The following B3GAT2 variants were observed in gnomAD, a reference collection of about 807,000 sequenced individuals.
B3GAT2 encodes beta-1,3-glucuronyltransferase 2.
A neutral mutation model predicts 27.8 loss-of-function variants in B3GAT2; 26 were observed. The observed-to-expected ratio is 0.93, with a 90% CI of 0.68 to 1.30. B3GAT2 has a LOEUF of 1.30. Among genes scored for constraint, B3GAT2 ranks in the 50% most tolerant of loss-of-function variants. The pLI is 0.00. For synonymous variants in B3GAT2, 218 were observed against 195.1 expected (o/e 1.12, Z -0.98); for missense variants, 458 against 459.0 (o/e 1.00, Z 0.02).
intron 1 of B3GAT2, among the ~76,000 whole-genome samples, chr6:70,896,151 GACT>G (rs1772381376): frequency 6.6e-6 from 1 of 152,082 alleles, no homozygotes; most frequent in African/African-American, 2.4e-5. Flanking sequence ...GTACGCCTGT[GACT>G]ACATTTTCAC....
At chr6:70,922,293 T>C (rs1772882517) in intron 1 of B3GAT2, among the ~76,000 whole-genome samples, 1 of 152,204 alleles carries the variant, frequency 6.6e-6, no homozygotes, top group African/African-American at 2.4e-5. Flanking sequence ...TTGTATTTTA[T>C]AGAATAAGCA....
chr6:70,950,039 C>G lies in B3GAT2; in HGVS notation c.591+5800G>C, dbSNP rs373654906. On this transcript the variant is annotated intron_variant, in intron 1 of 3. Coordinates refer to ENST00000230053, the MANE Select transcript of B3GAT2 (RefSeq NM_080742.3). ...TGGACACAGGAAGGGGAACATCACA[C>G]TCTGGGGACTGTTGTGGGGTGGGGG... Among the ~76,000 whole-genome samples, 95 of 149,590 alleles carry G rather than the reference C, an allele frequency of 6.4e-4. No homozygotes were observed. The East Asian group carries it at 0.016, about 25-fold the overall frequency.
At chr6:70,915,752 G>A (rs113433799) in intron 1 of B3GAT2, among the ~76,000 whole-genome samples, 36 of 151,998 alleles carry the variant, frequency 2.4e-4, no homozygotes, top group Non-Finnish European at 3.5e-4. Flanking sequence ...GTTCTATTCC[G>A]TTGGTCTACA....
chr6:70,880,096 G>A (rs1582347890), intron 2 of B3GAT2, among the ~76,000 whole-genome samples: 2 of 146,160 alleles, frequency 1.4e-5, no homozygotes, highest in East Asian at 4.5e-4. Flanking sequence ...GTGGGGGTGG[G>A]GGTGGAGGTG....
chr6:70,910,255 T>C (rs1772669081), intron 1 of B3GAT2, among the ~76,000 whole-genome samples: 3 of 152,154 alleles, frequency 2.0e-5, no homozygotes. Context: ...TTGTGGGGGT[T>C]TGGTGTACAG....
At chr6:70,946,298 G>C (rs887954015) in intron 1 of B3GAT2, among the ~76,000 whole-genome samples, 1 of 152,062 alleles carries the variant, frequency 6.6e-6, no homozygotes, top group East Asian at 1.9e-4. Context: ...TGGGGATAAA[G>C]AGTCAAGACC....
At chr6:70,941,271 G>C (rs949249614) in intron 1 of B3GAT2, among the ~76,000 whole-genome samples, 10 of 152,208 alleles carry the variant, frequency 6.6e-5, no homozygotes, top group African/African-American at 2.2e-4. Flanking sequence ...CAATTATCTG[G>C]TATACCCTCA....
intron 1 of B3GAT2, among the ~76,000 whole-genome samples, chr6:70,922,239 G>A (rs1233359074): frequency 6.6e-6 from 1 of 152,046 alleles, no homozygotes; most frequent in Non-Finnish European, 1.5e-5. Context: ...ATATTTAAAA[G>A]GTAAAAGAAA....
chr6:70,889,890 T>C (rs1380776124), intron 2 of B3GAT2, among the ~76,000 whole-genome samples: 1 of 151,732 alleles, frequency 6.6e-6, no homozygotes, highest in East Asian at 1.9e-4. Flanking sequence ...CAAGTGATTC[T>C]CATGTCTCAG....
chr6:70,895,731 G>A (rs139345483), intron 1 of B3GAT2, among the ~76,000 whole-genome samples: 317 of 151,758 alleles, frequency 2.1e-3, no homozygotes, highest in African/African-American at 6.9e-3. Flanking sequence ...TCACTGCATT[G>A]GTCTGCCTCA....
chr6:70,903,844 A>G (rs1772551639), intron 1 of B3GAT2, among the ~76,000 whole-genome samples: 1 of 152,184 alleles, frequency 6.6e-6, no homozygotes, highest in African/African-American at 2.4e-5. Context: ...GTAGTTTCCT[A>G]TAAAGTTAAA....
At position 70,883,503 on chromosome 6, in the gene B3GAT2, G is replaced by A. The variant is rs140188356; in HGVS notation, c.736+10625C>T. 4.8e-3 allele frequency among the ~76,000 whole-genome samples: 722 copies of A among 151,504 alleles called. 1 individual carries two copies. The highest frequency in any genetic ancestry group is 8.4e-3 in the Non-Finnish European group (570 of 67,924). On this transcript the variant is annotated intron_variant, in intron 2 of 3. Coordinates refer to ENST00000230053, the MANE Select transcript of B3GAT2 (RefSeq NM_080742.3). The stretch of plus-strand genomic sequence containing the variant: ...GACAAATATGATTCCACTTATATGA[G>A]GTACCTAGAATAGTCTAATTAATCG...
intron 1 of B3GAT2, among the ~76,000 whole-genome samples, chr6:70,934,774 A>G (rs1163939835): frequency 6.6e-6 from 1 of 152,232 alleles, no homozygotes; most frequent in Non-Finnish European, 1.5e-5. Flanking sequence ...AATGAAATTT[A>G]TACTAAATTC....
intron 1 of B3GAT2, among the ~76,000 whole-genome samples, chr6:70,950,814 TA>T (rs988022810): frequency 5.9e-5 from 9 of 152,220 alleles, no homozygotes; most frequent in African/African-American, 1.9e-4. Context: ...ATAATACACG[TA>T]AAACCCTAAG....
intron 1 of B3GAT2, among the ~76,000 whole-genome samples, chr6:70,938,953 T>C (rs1246553122): frequency 6.6e-6 from 1 of 151,318 alleles, no homozygotes; most frequent in Non-Finnish European, 1.5e-5. Flanking sequence ...ACCATCAGAG[T>C]GAACAGGCAA....
At chr6:70,937,939 A>G (rs1451441019) in intron 1 of B3GAT2, among the ~76,000 whole-genome samples, 3 of 151,808 alleles carry the variant, frequency 2.0e-5, no homozygotes, top group Non-Finnish European at 2.9e-5. Context: ...AGGGTATTCA[A>G]TTAGGAAAAG....
At chr6:70,913,332 C>T (rs1420594848) in intron 1 of B3GAT2, among the ~76,000 whole-genome samples, 1 of 152,138 alleles carries the variant, frequency 6.6e-6, no homozygotes, top group Non-Finnish European at 1.5e-5. Context: ...ACTGCTTTAG[C>T]TGTGTCGCAG....
chr6:70,923,617 T>C (rs932288325), intron 1 of B3GAT2, among the ~76,000 whole-genome samples: 17 of 152,226 alleles, frequency 1.1e-4, no homozygotes, highest in Non-Finnish European at 1.8e-4. Context: ...CAAGCCAGGA[T>C]TGCACCACTG....
chr6:70,880,638 C>A (rs576821549), intron 2 of B3GAT2, among the ~76,000 whole-genome samples: 1 of 151,654 alleles, frequency 6.6e-6, no homozygotes, highest in South Asian at 2.1e-4. Flanking sequence ...ACAGCGTGCA[C>A]CACCACAGCT....
Sources: allele counts gnomAD v4.1 joint callset (sites outside exome capture counted in the v4.1 genomes callset), GRCh38; gene constraint gnomAD v4.1.1; transcripts MANE v1.5; gene names NCBI Gene and HGNC (gene_info 2026-07-23, HGNC 2026-07-21).